Variants in UBE2E2 observed in about 807,000 individuals in gnomAD.
The protein encoded by UBE2E2 is ubiquitin conjugating enzyme E2 E2, also known as ubiquitin-conjugating enzyme E2 E2.
In UBE2E2, 6 loss-of-function variants were observed where a neutral mutation model predicts 24.7. The ratio of observed to expected loss-of-function variants is 0.24; its 90% CI spans 0.13 to 0.48. The LOEUF (loss-of-function observed/expected upper bound fraction) is 0.48, where lower values mean the gene tolerates loss of function less well. Ranked by LOEUF, UBE2E2 falls within the 20% of genes least tolerant of loss-of-function variation. The probability of loss-of-function intolerance (pLI) is 0.99; values close to 1 mark genes in which losing one functional copy is unlikely to be tolerated. For synonymous variants in UBE2E2, 104 were observed against 83.6 expected, an observed-to-expected ratio of 1.24 and a Z score of -1.33; for missense variants, 169 against 245.0, an observed-to-expected ratio of 0.69 and a Z score of 2.07.
intron 5 of UBE2E2, among the ~76,000 whole-genome samples, chr3:23,538,120 A>T (rs574957692): frequency 3.2e-4 from 49 of 151,146 alleles, no homozygotes; most frequent in African/African-American, 1.0e-3. Context: ...CAAAAAAAAA[A>T]TTTTTTTTCC....
At chr3:23,287,720 A>G (rs1323263597) in intron 3 of UBE2E2, among the ~76,000 whole-genome samples, 1 of 148,008 alleles carries the variant, frequency 6.8e-6, no homozygotes, top group African/African-American at 2.5e-5. Context: ...CTTTGCTCAT[A>G]GTGCCCCTAA....
chr3:23,414,926 T>G (rs951570069), intron 3 of UBE2E2, among the ~76,000 whole-genome samples: 3 of 152,190 alleles, frequency 2.0e-5, no homozygotes, highest in African/African-American at 4.8e-5. Flanking sequence ...AAATTTCTGT[T>G]GTTTATAAAG....
intron 3 of UBE2E2, among the ~76,000 whole-genome samples, chr3:23,405,170 G>A (rs1462492420): frequency 3.9e-5 from 6 of 152,164 alleles, no homozygotes; most frequent in African/African-American, 1.2e-4. Flanking sequence ...ATGCGAAACA[G>A]TATAATGTGG....
chr3:23,579,234 A>G (rs1404721972), intron 5 of UBE2E2, among the ~76,000 whole-genome samples: 2 of 152,064 alleles, frequency 1.3e-5, no homozygotes, highest in African/African-American at 2.4e-5. Flanking sequence ...AAATACAAAA[A>G]ATTAGCCAGG....
At chr3:23,433,179 A>G (rs1698105881) in intron 3 of UBE2E2, among the ~76,000 whole-genome samples, 1 of 151,974 alleles carries the variant, frequency 6.6e-6, no homozygotes, top group African/African-American at 2.4e-5. Context: ...TCAGGCACCT[A>G]GGATACTGTG....
intron 4 of UBE2E2, among the ~76,000 whole-genome samples, chr3:23,516,459 G>A (rs1694743415): frequency 6.6e-6 from 1 of 152,130 alleles, no homozygotes; most frequent in African/African-American, 2.4e-5. Context: ...AACAGACTCT[G>A]ATACCAGCAG....
chr3:23,584,227 A>C (rs1042814968), intron 5 of UBE2E2, among the ~76,000 whole-genome samples: 2 of 152,132 alleles, frequency 1.3e-5, no homozygotes, highest in African/African-American at 4.8e-5. Flanking sequence ...GTTGATTTGC[A>C]TGTGTTGAAC....
intron 4 of UBE2E2, among the ~76,000 whole-genome samples, chr3:23,504,223 A>G (rs941975219): frequency 6.6e-6 from 1 of 152,264 alleles, no homozygotes; most frequent in East Asian, 1.9e-4. Context: ...CTAATGTTAT[A>G]TTTTCATCCC....
At chr3:23,513,195 T>C (rs1694648054) in intron 4 of UBE2E2, among the ~76,000 whole-genome samples, 1 of 152,226 alleles carries the variant, frequency 6.6e-6, no homozygotes, top group Non-Finnish European at 1.5e-5. Context: ...TTGTAGTGAT[T>C]TGCTTTTAAA....
intron 3 of UBE2E2, among the ~76,000 whole-genome samples, chr3:23,344,213 G>C (rs1477233407): frequency 6.6e-6 from 1 of 151,992 alleles, no homozygotes; most frequent in East Asian, 1.9e-4. Flanking sequence ...TGAGTACTTT[G>C]ATTTATCTGG....
intron 3 of UBE2E2, among the ~76,000 whole-genome samples, chr3:23,318,660 G>C (rs1220955602): frequency 1.3e-5 from 2 of 152,140 alleles, no homozygotes; most frequent in African/African-American, 2.4e-5. Context: ...AAAAACATCA[G>C]ATCTGGTGAG....
At chr3:23,575,899 A>G (rs1696335726) in intron 5 of UBE2E2, among the ~76,000 whole-genome samples, 1 of 152,214 alleles carries the variant, frequency 6.6e-6, no homozygotes, top group Non-Finnish European at 1.5e-5. Context: ...AATGCCTTAT[A>G]GTTACTAAAA....
At chr3:23,248,597 A>G (rs1697484393) in intron 3 of UBE2E2, among the ~76,000 whole-genome samples, 1 of 152,228 alleles carries the variant, frequency 6.6e-6, no homozygotes, top group South Asian at 2.1e-4. Context: ...AAATTCAACT[A>G]TGTATAGTCT....
chr3:23,379,101 G>A (rs1398935873), intron 3 of UBE2E2, among the ~76,000 whole-genome samples: 2 of 152,074 alleles, frequency 1.3e-5, no homozygotes, highest in Non-Finnish European at 2.9e-5. Flanking sequence ...CTGTTTGACT[G>A]TCTTGTGAGA....
At chr3:23,385,604 A>G (rs1040807400) in intron 3 of UBE2E2, among the ~76,000 whole-genome samples, 4 of 152,198 alleles carry the variant, frequency 2.6e-5, no homozygotes, top group Non-Finnish European at 5.9e-5. Context: ...AAGAAATCAG[A>G]TATGATCTTT....
At chr3:23,210,602 G>C (rs1198860460) in intron 2 of UBE2E2, among the ~76,000 whole-genome samples, 2 of 152,102 alleles carry the variant, frequency 1.3e-5, no homozygotes, top group African/African-American at 4.8e-5. Flanking sequence ...GATTTCACGA[G>C]GGAAAAATAT....
chr3:23,490,894 A>G (rs536569387), intron 3 of UBE2E2, among the ~76,000 whole-genome samples: 4 of 152,188 alleles, frequency 2.6e-5, no homozygotes, highest in Non-Finnish European at 5.9e-5. Context: ...TCATCTTTAC[A>G]TCTCAAATCT....
At chr3:23,360,092 C>T (rs996467257) in intron 3 of UBE2E2, among the ~76,000 whole-genome samples, 7 of 152,018 alleles carry the variant, frequency 4.6e-5, no homozygotes, top group Non-Finnish European at 7.4e-5. Flanking sequence ...AAATAGTATC[C>T]CCAAATGGAA....
chr3:23,479,685 T>C (rs1699213517), intron 3 of UBE2E2, among the ~76,000 whole-genome samples: 1 of 152,050 alleles, frequency 6.6e-6, no homozygotes, highest in African/African-American at 2.4e-5. Context: ...CTTCACTGAG[T>C]GACAGAATGG....
Sources: allele counts gnomAD v4.1 joint callset (sites outside exome capture counted in the v4.1 genomes callset), GRCh38; gene constraint gnomAD v4.1.1; transcripts MANE v1.5; gene names NCBI Gene and HGNC (gene_info 2026-07-23, HGNC 2026-07-21).